Variants in PDE4B observed in about 807,000 individuals in gnomAD.
PDE4B encodes the protein phosphodiesterase 4B.
A neutral mutation model predicts 82.2 loss-of-function variants in PDE4B; 20 were observed. The observed-to-expected ratio is 0.24, with a 90% confidence interval of 0.17 to 0.35. The LOEUF (loss-of-function observed/expected upper bound fraction) is 0.35. Ranked by LOEUF, PDE4B falls within the 10% of genes least tolerant of loss-of-function variation. The pLI, the probability that PDE4B is intolerant of heterozygous loss-of-function variation, is 1.00. For missense variants in PDE4B, 655 were observed against 907.2 expected, an observed-to-expected ratio of 0.72 and a Z score of 3.57; for synonymous variants, 320 against 318.9, an observed-to-expected ratio of 1.00 and a Z score of -0.04.
In PDE4B at chr1:66,355,377, G is replaced by A. The variant is rs1402254922; in HGVS notation, c.748-150G>A. ...AGTGACGTTGGAATAATTTCAAATT[G>A]AAGAGATATATTTTGTAGAAACAGT... On this transcript the variant is annotated intron_variant, in intron 8 of 16. Transcript: ENST00000341517. The A allele has an allele frequency of 2.7e-5, 12 of 449,850 alleles. No homozygotes were observed. The East Asian group carries it at 3.4e-4, about 13-fold the overall frequency. The allele number at this position is 449,850 out of a possible 1,614,324, so 27.9% of individuals were successfully genotyped here.
intron 3 of PDE4B, among the ~76,000 whole-genome samples, chr1:66,199,800 A>G (rs1361293605): frequency 6.6e-6 from 1 of 151,954 alleles, no homozygotes; most frequent in Non-Finnish European, 1.5e-5. Context: ...GACTGCAGCA[A>G]CATAGGTTGA....
At chr1:66,256,790 G>A (rs1312855747) in intron 4 of PDE4B, among the ~76,000 whole-genome samples, 1 of 152,156 alleles carries the variant, frequency 6.6e-6, no homozygotes, top group Non-Finnish European at 1.5e-5. Context: ...CAGACACTGA[G>A]GGAAGTTCAC....
chr1:66,144,316 CA>C (rs1646228603), intron 3 of PDE4B, among the ~76,000 whole-genome samples: 1 of 152,036 alleles, frequency 6.6e-6, no homozygotes, highest in African/African-American at 2.4e-5. Context: ...GCCAGGGATA[CA>C]AAAAGGTATA....
intron 3 of PDE4B, among the ~76,000 whole-genome samples, chr1:66,009,636 T>C (rs957894184): frequency 7.2e-5 from 11 of 152,174 alleles, no homozygotes; most frequent in Admixed American, 7.2e-4. Flanking sequence ...CAGGATTTCT[T>C]ATCAAGACCT....
intron 13 of PDE4B, 29 bp from the exon 14 acceptor site, chr1:66,367,667 T>G (rs373919185): frequency 1.9e-4 from 300 of 1,564,622 alleles, no homozygotes; most frequent in Non-Finnish European, 2.4e-4. Context: ...CCCTTTTTAA[T>G]TAAGTCATCA....
chr1:66,204,123 G>C (rs954882356), intron 3 of PDE4B, among the ~76,000 whole-genome samples: 1 of 152,184 alleles, frequency 6.6e-6, no homozygotes, highest in Non-Finnish European at 1.5e-5. Flanking sequence ...TCCAGACCCT[G>C]TTTGCCTGGG....
intron 3 of PDE4B, among the ~76,000 whole-genome samples, chr1:66,197,305 C>T (rs989358513): frequency 1.3e-5 from 2 of 152,012 alleles, no homozygotes; most frequent in African/African-American, 4.8e-5. Context: ...GAAAAGGGAT[C>T]GTGTCTAATT....
chr1:65,984,657 A>T (rs1342106300), intron 3 of PDE4B, among the ~76,000 whole-genome samples: 1 of 152,176 alleles, frequency 6.6e-6, no homozygotes, highest in Non-Finnish European at 1.5e-5. Flanking sequence ...CAGACGGCTG[A>T]GGCAGGATAA....
Position 65,801,421 on chromosome 1 carries a change from C to T in PDE4B, c.-71+8173C>T, listed in dbSNP as rs1342136403. On this transcript the variant is annotated intron_variant, in intron 1 of 16. Transcript: ENST00000341517. ...ACATGAAGTAATTTTTAAGACCTCA[C>T]ATTTTACATTTTTGAAGGATAAAAT... Among the ~76,000 whole-genome samples, 7 of 152,170 alleles carry T rather than the reference C, an allele frequency of 4.6e-5. 1 individual carries two copies.
chr1:66,243,385 G>C (rs72641147), intron 3 of PDE4B, among the ~76,000 whole-genome samples: 24,048 of 152,188 alleles, frequency 0.16, 3,465 homozygotes, highest in East Asian at 0.37. Flanking sequence ...TGACCCAGGT[G>C]CCTGGGATAC....
intron 1 of PDE4B, among the ~76,000 whole-genome samples, chr1:65,798,434 AT>A (rs1325920180): frequency 1.2e-5 from 1 of 86,060 alleles, no homozygotes; most frequent in African/African-American, 8.6e-5. Context: ...AATTTTTTGT[AT>A]TTTTAGTAGA....
At chr1:66,142,255 A>G (rs1424716931) in intron 3 of PDE4B, among the ~76,000 whole-genome samples, 1 of 152,124 alleles carries the variant, frequency 6.6e-6, no homozygotes, top group African/African-American at 2.4e-5. Flanking sequence ...GTGGACCTGT[A>G]TGCTTTAAAC....
At chr1:66,329,045 T>C (rs1371889350) in intron 7 of PDE4B, among the ~76,000 whole-genome samples, 3 of 152,212 alleles carry the variant, frequency 2.0e-5, no homozygotes, top group Non-Finnish European at 4.4e-5. Flanking sequence ...CCAGCTCTTG[T>C]GCCTGGTGGG....
At chr1:65,960,693 C>A (rs1476624078) in intron 3 of PDE4B, among the ~76,000 whole-genome samples, 1 of 152,020 alleles carries the variant, frequency 6.6e-6, no homozygotes, top group Non-Finnish European at 1.5e-5. Context: ...TAAATGCTAT[C>A]CTACGTTGTG....
At chr1:65,847,036 T>TA (rs1369087349) in intron 1 of PDE4B, among the ~76,000 whole-genome samples, 2 of 152,196 alleles carry the variant, frequency 1.3e-5, no homozygotes, top group Non-Finnish European at 2.9e-5. Context: ...GTTGTAGATT[T>TA]AAAAAAACCT....
intron 3 of PDE4B, among the ~76,000 whole-genome samples, chr1:66,236,961 T>C (rs1652511596): frequency 6.6e-6 from 1 of 152,182 alleles, no homozygotes; most frequent in Admixed American, 6.5e-5. Flanking sequence ...GTTCCTTCCT[T>C]CCTCAGAAGG....
intron 3 of PDE4B, among the ~76,000 whole-genome samples, chr1:66,038,456 G>T (rs1294314991): frequency 6.6e-6 from 1 of 152,054 alleles, no homozygotes; most frequent in Non-Finnish European, 1.5e-5. Context: ...GGAGTGAAGA[G>T]AACATCCTTT....
chr1:65,998,271 G>A (rs1250071111), intron 3 of PDE4B, among the ~76,000 whole-genome samples: 4 of 152,160 alleles, frequency 2.6e-5, no homozygotes, highest in Non-Finnish European at 5.9e-5. Context: ...GAGCACGAGT[G>A]AAAATACACA....
rs572640700 is a variant in PDE4B at position 66,307,446 on chromosome 1, A to G, written c.635-25062A>G. ...GAAGCAGATGGTTAAAAGCGGAGATAGAGAAGCCTCCACAGCACAAAGTGG... is the reference window on the plus strand; with the variant it reads ...GAAGCAGATGGTTAAAAGCGGAGATGGAGAAGCCTCCACAGCACAAAGTGG... On this transcript the variant is annotated intron_variant, in intron 7 of 16. Coordinates refer to ENST00000341517, the MANE Select transcript of PDE4B (RefSeq NM_002600.4). Among the ~76,000 whole-genome samples, 14 of 152,286 alleles carry G rather than the reference A, an allele frequency of 9.2e-5. No individual in the cohort carries two copies. The South Asian group carries it at 2.9e-3, about 32-fold the overall frequency.
Sources: allele counts gnomAD v4.1 joint callset (sites outside exome capture counted in the v4.1 genomes callset), GRCh38; gene constraint gnomAD v4.1.1; transcripts MANE v1.5; gene names NCBI Gene and HGNC (gene_info 2026-07-23, HGNC 2026-07-21).